HABP4: variants seen among roughly 807,000 people sequenced by gnomAD.
HABP4 encodes hyaluronan binding protein 4.
Under a neutral mutation model 44.1 loss-of-function variants are expected in HABP4, and 32 were observed. That is an observed-to-expected ratio of 0.73 (90% CI 0.55 to 0.97). The LOEUF (loss-of-function observed/expected upper bound fraction) is 0.97. Ranked by LOEUF, HABP4 falls within the 50% of genes least tolerant of loss-of-function variation. The pLI is 0.00. For missense variants in HABP4, 503 were observed against 561.9 expected, an observed-to-expected ratio of 0.90 and a Z score of 1.06; for synonymous variants, 216 against 218.0, an observed-to-expected ratio of 0.99 and a Z score of 0.08.
chr9:96,452,153 G>T (rs1832294589), intron 1 of HABP4, among the ~76,000 whole-genome samples: 1 of 150,972 alleles, frequency 6.6e-6, no homozygotes, highest in Non-Finnish European at 1.5e-5. Context: ...CGTGAACCCA[G>T]GAGGCGGAGC....
intron 4 of HABP4, among the ~76,000 whole-genome samples, chr9:96,468,229 C>T (rs1379957468): frequency 1.3e-5 from 2 of 151,476 alleles, no homozygotes; most frequent in East Asian, 3.9e-4. Flanking sequence ...ACTACAGGCG[C>T]ATGCCACCAC....
At chr9:96,467,064 A>T (rs1832613545) in intron 4 of HABP4, among the ~76,000 whole-genome samples, 1 of 151,816 alleles carries the variant, frequency 6.6e-6, no homozygotes, top group African/African-American at 2.4e-5. Context: ...GTGGGACTAC[A>T]GGTGCACGCC....
chr9:96,484,172 G>T, intron 5 of HABP4: 1 of 241,146 alleles, frequency 4.1e-6, no homozygotes. Context: ...CTGTCTGGAA[G>T]GGAGTGCCAG....
rs765365008 is a variant in HABP4, at chr9:96,458,301, A to T, written c.350-78A>T. The T allele has an allele frequency of 3.2e-5, 43 of 1,358,708 alleles. No homozygotes were observed. In the East Asian group the frequency reaches 4.4e-4, roughly 14 times the overall value. 84.2% of individuals were successfully genotyped at this position (1,358,708 alleles called of 1,614,324 possible). A position where few individuals can be genotyped will look rare whatever the true frequency, so the allele number is the denominator to read the frequency against. ...GTTGATTTCTAGAAAAATGAAATTT[A>T]CAAGTACCTGTAAAGTTTAATAGTG... On this transcript the variant is annotated intron_variant, in intron 1 of 7. Coordinates refer to ENST00000375249, the MANE Select transcript of HABP4 (RefSeq NM_014282.4).
chr9:96,484,211 GA>G, intron 5 of HABP4: 1 of 356,554 alleles, frequency 2.8e-6, no homozygotes, highest in South Asian at 4.5e-5. Context: ...ATGTCATCAG[GA>G]TGGTGATGTT....
intron 5 of HABP4, among the ~76,000 whole-genome samples, chr9:96,477,770 T>C (rs10991318): frequency 0.016 from 2,413 of 152,308 alleles, 61 homozygotes; most frequent in African/African-American, 0.054. Flanking sequence ...TTTGATATAT[T>C]TGTACACTTG....
chr9:96,455,820 C>T (rs1034215431), intron 1 of HABP4, among the ~76,000 whole-genome samples: 8 of 142,804 alleles, frequency 5.6e-5, no homozygotes, highest in South Asian at 2.3e-4. Context: ...TTTGGGAGGC[C>T]GAGACCGGTG....
intron 5 of HABP4, among the ~76,000 whole-genome samples, chr9:96,473,496 G>A (rs1832729682): frequency 6.6e-6 from 1 of 152,162 alleles, no homozygotes; most frequent in African/African-American, 2.4e-5. Flanking sequence ...GCCCCTCACA[G>A]GGCTCCCTGC....
In HABP4 at chr9:96,491,064, C is replaced by G. The variant is rs757961126; in HGVS notation, c.*1026C>G. 1 of 152,316 alleles carries G rather than the reference C, an allele frequency of 6.6e-6. No individual in the cohort carries two copies. The highest frequency in any genetic ancestry group is 2.4e-5 in the African/African-American group (1 of 41,434). 9.4% of individuals were successfully genotyped at this position (152,316 alleles called of 1,614,324 possible). On this transcript the variant is annotated 3_prime_UTR_variant, in exon 8 of 8. Coordinates refer to ENST00000375249, the MANE Select transcript of HABP4 (RefSeq NM_014282.4). ...AGCTGGACCCAGAGCCACACACGCCCGGGAACACACACTGTGCTGGGGAGG... is the reference window on the plus strand; with the variant it reads ...AGCTGGACCCAGAGCCACACACGCCGGGGAACACACACTGTGCTGGGGAGG...
At position 96,488,190 on chromosome 9, in the gene HABP4, T is replaced by C; in HGVS notation, c.1101T>C (p.Pro367=). The C allele has an allele frequency of 6.2e-7, 1 of 1,613,436 alleles. No individual in the cohort carries two copies. Among genetic ancestry groups the C allele is most frequent in the Non-Finnish European group, 8.5e-7 (1 of 1,179,334 alleles). Residue 367 remains proline, a synonymous_variant, in exon 7 of 8, where the codon CCT becomes CCC. Coordinates refer to ENST00000375249, the MANE Select transcript of HABP4 (RefSeq NM_014282.4). This position sits in a 1 kb window ranked among gnomAD's most constrained non-coding sequence, Gnocchi z 4.6. ...TTAATTTTGGTAACCTCCCTCGTCC[T>C]GGGCGTGGAGCCAGAGGAGGCACCC... ...LEINFGNLPR[P]GRGARGGTRG...
chr9:96,458,849 C>A (rs2131120614), intron 2 of HABP4, among the ~76,000 whole-genome samples: 1 of 152,150 alleles, frequency 6.6e-6, no homozygotes, highest in East Asian at 1.9e-4. Context: ...CTTGAACTCC[C>A]AACCTCAGGT....
intron 5 of HABP4, among the ~76,000 whole-genome samples, chr9:96,471,932 G>A (rs531897977): frequency 1.3e-5 from 2 of 152,206 alleles, no homozygotes; most frequent in African/African-American, 2.4e-5. Flanking sequence ...TGGGATTACA[G>A]GCATGTGCTA....
chr9:96,454,231 T>C (rs1198227478), intron 1 of HABP4, among the ~76,000 whole-genome samples: 1 of 152,152 alleles, frequency 6.6e-6, no homozygotes, highest in Admixed American at 6.5e-5. Flanking sequence ...ATAAAAGATG[T>C]TTTTAAAACT....
In HABP4 at chr9:96,450,584, T is replaced by G. The variant is rs1036908255; in HGVS notation, c.305T>G (p.Val102Gly). The change falls in exon 1 of 8, where the codon GTC (valine) becomes GGC (glycine). Residue 102 changes from valine to glycine, a missense_variant. Transcript: ENST00000375249. This position sits in a 1 kb window ranked among gnomAD's most constrained non-coding sequence, Gnocchi z 4.8. ...QKERKSLPAP[V>G]AQRPDSPGGG... is the part of the protein sequence containing the mutation. ...GAGCGCAAGAGCCTCCCGGCGCCCG[T>G]CGCTCAGCGGCCCGATAGCCCCGGG... The G allele has an allele frequency of 2.3e-5, 30 of 1,283,194 alleles. No homozygotes were observed. Among genetic ancestry groups the G allele is most frequent in the African/African-American group, 7.7e-5 (5 of 64,966 alleles). 79.5% of individuals were successfully genotyped at this position (1,283,194 alleles called of 1,614,324 possible).
rs1376868750 is a variant in HABP4, at chr9:96,488,971, G to A, written c.1185+697G>A. On this transcript the variant is annotated intron_variant, in intron 7 of 7. Transcript: ENST00000375249. The surrounding 1 kb of genome is among the most constrained non-coding windows in gnomAD (Gnocchi z 4.6). ...TCATTACCGGTTTACGCAGTGCCACGCAGTGCCTGGCATGTAGTAGGTGCT... is the reference window on the plus strand; with the variant it reads ...TCATTACCGGTTTACGCAGTGCCACACAGTGCCTGGCATGTAGTAGGTGCT... 2.0e-5 allele frequency among the ~76,000 whole-genome samples: 3 copies of A among 152,104 alleles called. No homozygotes were observed. The highest frequency in any genetic ancestry group is 7.2e-5 in the African/African-American group (3 of 41,406).
intron 6 of HABP4, among the ~76,000 whole-genome samples, chr9:96,485,218 A>AT (rs1345111984): frequency 6.6e-6 from 1 of 152,016 alleles, no homozygotes; most frequent in Non-Finnish European, 1.5e-5. Context: ...ACCCCGGCTA[A>AT]TTTTGTATTT....
intron 5 of HABP4, among the ~76,000 whole-genome samples, chr9:96,476,664 A>G (rs1035910100): frequency 3.3e-5 from 5 of 152,220 alleles, no homozygotes; most frequent in African/African-American, 1.2e-4. Flanking sequence ...TTCCTGTTGA[A>G]TATTTAGTCA....
At chr9:96,466,749 GCT>G (rs1832607716) in intron 4 of HABP4, among the ~76,000 whole-genome samples, 1 of 152,094 alleles carries the variant, frequency 6.6e-6, no homozygotes, top group Admixed American at 6.6e-5. Flanking sequence ...ACATGGTTCT[GCT>G]CTGTTTTATT....
chr9:96,490,721 A>ATATT lies in HABP4; in HGVS notation c.*684_*687dup, dbSNP rs924829945. On this transcript the variant is annotated 3_prime_UTR_variant, in exon 8 of 8. Coordinates refer to ENST00000375249, the MANE Select transcript of HABP4 (RefSeq NM_014282.4). ...AGTGTTTGGGTGGTTTTTAGGAAGA[A>ATATT]TATTAAGTATGTGACTTCAAAAACC... 2 of 152,156 alleles carry ATATT rather than the reference A, an allele frequency of 1.3e-5. No homozygotes were observed. Among genetic ancestry groups the ATATT allele is most frequent in the Non-Finnish European group, 2.9e-5 (2 of 68,028 alleles). 9.4% of individuals were successfully genotyped at this position (152,156 alleles called of 1,614,324 possible).
Sources: allele counts gnomAD v4.1 joint callset (sites outside exome capture counted in the v4.1 genomes callset), GRCh38; gene constraint gnomAD v4.1.1; non-coding constraint Gnocchi (gnomAD v3.1); transcripts MANE v1.5; gene names NCBI Gene and HGNC (gene_info 2026-07-23, HGNC 2026-07-21).